Variants in ENPP6 observed in about 807,000 individuals in gnomAD.
ENPP6 encodes ectonucleotide pyrophosphatase/phosphodiesterase 6.
In ENPP6, 32 loss-of-function variants were observed where a neutral mutation model predicts 42.0. That is an observed-to-expected ratio of 0.76 (90% CI 0.58 to 1.02). The LOEUF (loss-of-function observed/expected upper bound fraction) is 1.02. Ranked by LOEUF, ENPP6 falls within the 50% of genes least tolerant of loss-of-function variation. ENPP6 has a pLI of 0.00. For synonymous variants in ENPP6, 213 were observed against 216.0 expected (o/e 0.99, Z 0.12); for missense variants, 552 against 566.8 (o/e 0.97, Z 0.27).
intron 1 of ENPP6, among the ~76,000 whole-genome samples, chr4:184,217,280 T>A (rs1322748896): frequency 6.6e-6 from 1 of 152,128 alleles, no homozygotes; most frequent in Non-Finnish European, 1.5e-5. Context: ...TCATTAGAAT[T>A]TCTCTTTCTA....
intron 1 of ENPP6, among the ~76,000 whole-genome samples, chr4:184,165,612 A>G (rs1014746359): frequency 1.3e-5 from 2 of 149,216 alleles, no homozygotes; most frequent in African/African-American, 5.0e-5. Flanking sequence ...ATCAACTATT[A>G]TGCATCAAAG....
intron 2 of ENPP6, among the ~76,000 whole-genome samples, chr4:184,132,718 T>C (rs1736657637): frequency 6.6e-6 from 1 of 151,902 alleles, no homozygotes; most frequent in Non-Finnish European, 1.5e-5. Context: ...AGGAATTACC[T>C]AGAATTAATT....
chr4:184,217,646 T>C lies in ENPP6; in HGVS notation c.174A>G (p.Val58=). Residue 58 remains valine, a synonymous_variant, in exon 1 of 8, where the codon GTA becomes GTG. Coordinates refer to ENST00000296741, the MANE Select transcript of ENPP6 (RefSeq NM_153343.4). Reference sequence around the variant, plus strand: ...AGTCTGGAGTCAAGTAATCCACTTTTACTCCCCTGCTCACAATCTCTTTGA... The same window carrying C: ...AGTCTGGAGTCAAGTAATCCACTTTCACTCCCCTGCTCACAATCTCTTTGA... ...PGFKEIVSRG[V]KVDYLTPDFP... is the part of the protein sequence containing the mutation. 6.2e-7 allele frequency: 1 copy of C among 1,614,218 alleles called. No individual in the cohort carries two copies. Among genetic ancestry groups the C allele is most frequent in the Non-Finnish European group, 8.5e-7 (1 of 1,180,038 alleles).
chr4:184,160,200 T>C (rs1460882287), intron 1 of ENPP6, among the ~76,000 whole-genome samples: 1 of 152,234 alleles, frequency 6.6e-6, no homozygotes, highest in African/African-American at 2.4e-5. Context: ...ATGGTAGTTG[T>C]ACTTTTAGTT....
chr4:184,131,144 T>TTA (rs1736606106), intron 2 of ENPP6, among the ~76,000 whole-genome samples: 1 of 44,030 alleles, frequency 2.3e-5, no homozygotes, highest in East Asian at 6.3e-4. Flanking sequence ...GCACTTACTT[T>TTA]CTTTCTTTCT....
intron 1 of ENPP6, among the ~76,000 whole-genome samples, chr4:184,198,564 G>A (rs1194320999): frequency 4.6e-5 from 7 of 152,196 alleles, no homozygotes; most frequent in Admixed American, 2.0e-4. Context: ...GCTGGTCACC[G>A]TTTGCAAGTC....
rs755835910 is a variant in ENPP6, at chr4:184,157,407, CTCTT to C, written c.242-3678_242-3675del. Among the ~76,000 whole-genome samples, 943 of 107,288 alleles carry C rather than the reference CTCTT, an allele frequency of 8.8e-3. 8 individuals are homozygous for C. Among genetic ancestry groups the C allele is most frequent in the South Asian group, 0.047 (147 of 3,102 alleles). The allele number at this position is 107,288 out of a possible 152,430, so 70.4% of individuals were successfully genotyped here. ...AGCATCATAAATAAATTCGTTCTTT[CTCTT>C]TCTTTCTTTCTTTCTTTCCTTTTCT... On this transcript the variant is annotated intron_variant, in intron 1 of 7. Coordinates refer to ENST00000296741, the MANE Select transcript of ENPP6 (RefSeq NM_153343.4).
chr4:184,099,370 T>A (rs1735962132), intron 6 of ENPP6, among the ~76,000 whole-genome samples: 2 of 152,224 alleles, frequency 1.3e-5, no homozygotes, highest in South Asian at 4.1e-4. Context: ...AGCTCTGGGA[T>A]CTTGGCTGTT....
intron 1 of ENPP6, among the ~76,000 whole-genome samples, chr4:184,208,610 T>C (rs955905403): frequency 1.3e-5 from 2 of 150,756 alleles, no homozygotes; most frequent in African/African-American, 2.4e-5. Context: ...GTCTCGCTGA[T>C]TGCTAGCACA....
chr4:184,195,209 C>T (rs558957051), intron 1 of ENPP6, among the ~76,000 whole-genome samples: 29 of 152,174 alleles, frequency 1.9e-4, no homozygotes, highest in African/African-American at 6.0e-4. Flanking sequence ...GTTTGTTGTA[C>T]GGATTATTTC....
intron 6 of ENPP6, among the ~76,000 whole-genome samples, 155 bp from the exon 7 acceptor site, chr4:184,097,523 C>G (rs778940116): frequency 1.1e-4 from 17 of 152,192 alleles, no homozygotes; most frequent in Admixed American, 2.6e-4. Context: ...ACTTCCTGCT[C>G]CAGGCCGCTC....
At chr4:184,093,755 C>T (rs887020369) in intron 7 of ENPP6, among the ~76,000 whole-genome samples, 1 of 151,794 alleles carries the variant, frequency 6.6e-6, no homozygotes, top group African/African-American at 2.4e-5. Context: ...GCAGATCAGA[C>T]AATCAGATGA....
At chr4:184,110,770 CCA>C (rs892295445) in intron 6 of ENPP6, among the ~76,000 whole-genome samples, 2 of 151,874 alleles carry the variant, frequency 1.3e-5, no homozygotes, top group Non-Finnish European at 2.9e-5. Context: ...TTGCCTGCCT[CCA>C]GACTTCTAGT....
At chr4:184,133,536 T>C (rs968027626) in intron 2 of ENPP6, among the ~76,000 whole-genome samples, 1 of 152,204 alleles carries the variant, frequency 6.6e-6, no homozygotes, top group African/African-American at 2.4e-5. Flanking sequence ...CAGTCATCTG[T>C]GAATAATGAC....
At chr4:184,130,902 C>A (rs920221527) in intron 2 of ENPP6, among the ~76,000 whole-genome samples, 1 of 152,184 alleles carries the variant, frequency 6.6e-6, no homozygotes, top group Non-Finnish European at 1.5e-5. Flanking sequence ...GACTGTATCA[C>A]TATTTATCTA....
chr4:184,147,912 T>G (rs187335838), intron 2 of ENPP6, among the ~76,000 whole-genome samples: 1 of 152,260 alleles, frequency 6.6e-6, no homozygotes, highest in East Asian at 1.9e-4. Flanking sequence ...TCTTGAAACT[T>G]GCATGCTTCC....
chr4:184,122,025 A>G (rs116807282), intron 3 of ENPP6, among the ~76,000 whole-genome samples: 2 of 152,210 alleles, frequency 1.3e-5, no homozygotes, highest in Admixed American at 6.5e-5. Context: ...TTTCTTTCTC[A>G]CATGTCAAGA....
intron 1 of ENPP6, among the ~76,000 whole-genome samples, chr4:184,166,059 T>G (rs1737343247): frequency 6.6e-6 from 1 of 152,208 alleles, no homozygotes; most frequent in African/African-American, 2.4e-5. Flanking sequence ...AAATTGAAAT[T>G]TGCCTTGCAG....
At position 184,131,140 on chromosome 4, in the gene ENPP6, ACTTTCTTTCTTT is replaced by A. The variant is rs1171459794; in HGVS notation, c.422-6880_422-6869del. ...TTTCAACTTGCTTCCACCAGCACTT[ACTTTCTTTCTTT>A]CTTTCTTTCTTTCTTTCTTTCTTTC... On this transcript the variant is annotated intron_variant, in intron 2 of 7. Coordinates refer to ENST00000296741, the MANE Select transcript of ENPP6 (RefSeq NM_153343.4). Among the ~76,000 whole-genome samples, 617 of 121,698 alleles carry A rather than the reference ACTTTCTTTCTTT, an allele frequency of 5.1e-3. 5 individuals are homozygous for A. The highest frequency in any genetic ancestry group is 7.8e-3 in the Middle Eastern group (2 of 256). The allele number at this position is 121,698 out of a possible 152,430, so 79.8% of individuals were successfully genotyped here. A position where few individuals can be genotyped will look rare whatever the true frequency, so the allele number is the denominator to read the frequency against.
Sources: gnomAD v4.1 joint callset for allele counts (sites outside exome capture counted in the v4.1 genomes callset) on GRCh38, gnomAD v4.1.1 for gene constraint, MANE v1.5 for transcripts, NCBI Gene and HGNC (gene_info 2026-07-23, HGNC 2026-07-21) for gene names.